Variants in OR4K17 observed in about 807,000 individuals in gnomAD.
The protein encoded by OR4K17 is olfactory receptor 4K17.
For synonymous variants in OR4K17, 157 were observed against 132.8 expected, an observed-to-expected ratio of 1.18 and a Z score of -1.25; for missense variants, 480 against 366.3, an observed-to-expected ratio of 1.31 and a Z score of -2.53.
intron 1 of OR4K17, among the ~76,000 whole-genome samples, chr14:20,115,399 G>A (rs761559120): frequency 7.2e-5 from 11 of 151,862 alleles, no homozygotes; most frequent in Non-Finnish European, 1.5e-4. Flanking sequence ...TTTACAAAAT[G>A]GGTTCATACT....
rs1043072964 is a variant in OR4K17, at chr14:20,119,624, G to A, written c.*1186G>A. On this transcript the variant is annotated 3_prime_UTR_variant, in exon 2 of 2. Transcript: ENST00000641386. ...AGGCAGGTTGCCTTGGCTGACTTGAGGTCAGGAGTTTGAGACCAGCCTGGC... is the reference window on the plus strand; with the variant it reads ...AGGCAGGTTGCCTTGGCTGACTTGAAGTCAGGAGTTTGAGACCAGCCTGGC... 4 of 152,314 alleles carry A rather than the reference G, an allele frequency of 2.6e-5. No homozygotes were observed. Among genetic ancestry groups the A allele is most frequent in the African/African-American group, 9.7e-5 (4 of 41,436 alleles). 9.4% of individuals were successfully genotyped at this position (152,314 alleles called of 1,614,324 possible). A position where few individuals can be genotyped will look rare whatever the true frequency, so the allele number is the denominator to read the frequency against.
Position 20,121,776 on chromosome 14 carries a change from A to G in OR4K17, c.*3338A>G, listed in dbSNP as rs1227215018. 2.0e-5 allele frequency: 3 copies of G among 152,164 alleles called. No individual in the cohort carries two copies. The highest frequency in any genetic ancestry group is 4.4e-5 in the Non-Finnish European group (3 of 67,986). The allele number at this position is 152,164 out of a possible 1,614,324, so 9.4% of individuals were successfully genotyped here. A position where few individuals can be genotyped will look rare whatever the true frequency, so the allele number is the denominator to read the frequency against. Reference sequence around the variant, plus strand: ...AGAAAACAATTAATAAAATGGAGGTACTAAGCACAGTCAGTTTTCTGGCAT... The same window carrying G: ...AGAAAACAATTAATAAAATGGAGGTGCTAAGCACAGTCAGTTTTCTGGCAT... On this transcript the variant is annotated 3_prime_UTR_variant, in exon 2 of 2. Coordinates refer to ENST00000641386, the MANE Select transcript of OR4K17 (RefSeq NM_001004715.5).
chr14:20,118,470 G>C lies in OR4K17; in HGVS notation c.*32G>C. 7.6e-7 allele frequency: 1 copy of C among 1,316,756 alleles called. No individual in the cohort carries two copies. Among genetic ancestry groups the C allele is most frequent in the East Asian group, 2.3e-5 (1 of 42,912 alleles). 81.6% of individuals were successfully genotyped at this position (1,316,756 alleles called of 1,614,324 possible). ...AATATAATGGTAGAGGCCGGGCATG[G>C]TGGCTGATGCCTGTAATCCCCACAC... On this transcript the variant is annotated 3_prime_UTR_variant, in exon 2 of 2. Transcript: ENST00000641386.
intron 1 of OR4K17, among the ~76,000 whole-genome samples, chr14:20,116,900 G>A (rs1040686140): frequency 4.6e-5 from 7 of 152,182 alleles, no homozygotes; most frequent in Admixed American, 3.9e-4. Flanking sequence ...CCCACTGGTG[G>A]AAGATAAGGA....
intron 1 of OR4K17, among the ~76,000 whole-genome samples, chr14:20,114,550 G>A (rs143904697): frequency 3.0e-4 from 45 of 151,868 alleles, no homozygotes; most frequent in East Asian, 1.5e-3. Context: ...TTAAATCTTC[G>A]CCATTCCAGG....
rs762572974 is a variant in OR4K17 at position 20,117,719 on chromosome 14, G to T, written c.220G>T (p.Ala74Ser). 7 of 1,613,832 alleles carry T rather than the reference G, an allele frequency of 4.3e-6. No homozygotes were observed. The Admixed American group carries it at 8.3e-5, about 19-fold the overall frequency. The change falls in exon 2 of 2, where the codon GCT becomes TCT. Residue 74 changes from alanine (A) to serine (S), a missense_variant. Transcript: ENST00000641386. The stretch of plus-strand genomic sequence containing the variant: ...TCTCTCTTTTGTAGATATGACCCTT[G>T]CTTCTTTTGCCACCCCTAAGGTGAT... ...GNLSFVDMTL[A>S]SFATPKVILN...
In OR4K17 at chr14:20,117,633, T is replaced by C. The variant is rs1191494845; in HGVS notation, c.134T>C (p.Ile45Thr). The C allele has an allele frequency of 1.2e-6, 2 of 1,613,904 alleles. No homozygotes were observed. The highest frequency in any genetic ancestry group is 8.5e-7 in the Non-Finnish European group (1 of 1,179,832). The stretch of plus-strand genomic sequence containing the variant: ...GTCACAGTTTTGGGTAACCTTCTTA[T>C]TATAGTCACAGTGTTTAACACCCCT... ...YVVTVLGNLL[I>T]IVTVFNTPNL... The change falls in exon 2 of 2, where the codon ATT (isoleucine) becomes ACT (threonine). Residue 45 changes from isoleucine to threonine, a missense_variant. Physicochemically the swap from Ile to Thr is moderately conservative, Grantham distance 89 (BLOSUM62 -1). Transcript: ENST00000641386.
At position 20,122,038 on chromosome 14, in the gene OR4K17, T is replaced by G. The variant is rs575048675; in HGVS notation, c.*3600T>G. The G allele has an allele frequency of 6.6e-6, 1 of 152,226 alleles. No homozygotes were observed. The highest frequency in any genetic ancestry group is 1.9e-4 in the East Asian group (1 of 5,188). The allele number at this position is 152,226 out of a possible 1,614,324, so 9.4% of individuals were successfully genotyped here. A position where few individuals can be genotyped will look rare whatever the true frequency, so the allele number is the denominator to read the frequency against. Reference sequence around the variant, plus strand: ...TTTGTATAAGGGACTTAAGCATCTATAGATTTTGATAATCACAGGGAGGTC... The same window carrying G: ...TTTGTATAAGGGACTTAAGCATCTAGAGATTTTGATAATCACAGGGAGGTC... On this transcript the variant is annotated 3_prime_UTR_variant, in exon 2 of 2. Coordinates refer to ENST00000641386, the MANE Select transcript of OR4K17 (RefSeq NM_001004715.5).
At position 20,114,623 on chromosome 14, in the gene OR4K17, T is replaced by C. The variant is rs540452560; in HGVS notation, c.-32-2845T>C. Among the ~76,000 whole-genome samples, 5 of 152,218 alleles carry C rather than the reference T, an allele frequency of 3.3e-5. No homozygotes were observed. In the East Asian group the frequency reaches 7.7e-4, roughly 23 times the overall value. On this transcript the variant is annotated intron_variant, in intron 1 of 1. Coordinates refer to ENST00000641386, the MANE Select transcript of OR4K17 (RefSeq NM_001004715.5). The stretch of plus-strand genomic sequence containing the variant: ...TGTTATCAAGCCTGTGTCTTTACCC[T>C]GAAATTTCTTAAAATGAATTTCCCA...
In OR4K17 at chr14:20,118,616, A is replaced by T; in HGVS notation, c.*178A>T. 3 of 485,634 alleles carry T rather than the reference A, an allele frequency of 6.2e-6. No individual in the cohort carries two copies. The highest frequency in any genetic ancestry group is 1.1e-5 in the Non-Finnish European group (3 of 275,224). 30.1% of individuals were successfully genotyped at this position (485,634 alleles called of 1,614,324 possible). A position where few individuals can be genotyped will look rare whatever the true frequency, so the allele number is the denominator to read the frequency against. The stretch of plus-strand genomic sequence containing the variant: ...AAGAATACAAAAGAGAGAAATTTTA[A>T]AGCTGGGTGTCCAGGGGAGACATCA... On this transcript the variant is annotated 3_prime_UTR_variant, in exon 2 of 2. Transcript: ENST00000641386.
At position 20,118,180 on chromosome 14, in the gene OR4K17, C is replaced by G; in HGVS notation, c.681C>G (p.Asn227Lys). 6.2e-7 allele frequency: 1 copy of G among 1,614,106 alleles called. No homozygotes were observed. Among genetic ancestry groups the G allele is most frequent in the South Asian group, 1.1e-5 (1 of 91,082 alleles). Residue 227 changes from asparagine to lysine, a missense_variant, in exon 2 of 2, where the codon AAC (asparagine) becomes AAG (lysine). Asn to Lys is a moderately conservative substitution (Grantham distance 94). Transcript: ENST00000641386. ...SYSLILITIK[N>K]HSPTGQSKAR... ...GTCTGATCCTCATAACCATTAAGAA[C>G]CACTCTCCTACTGGGCAATCTAAAG...
intron 1 of OR4K17, among the ~76,000 whole-genome samples, chr14:20,114,734 G>T (rs1464334452): frequency 6.6e-6 from 1 of 152,036 alleles, no homozygotes; most frequent in Non-Finnish European, 1.5e-5. Flanking sequence ...GACAGAGTGT[G>T]ACTGAATGGT....
intron 1 of OR4K17, among the ~76,000 whole-genome samples, chr14:20,115,425 T>C (rs1159892955): frequency 6.6e-6 from 1 of 152,152 alleles, no homozygotes; most frequent in African/African-American, 2.4e-5. Context: ...TAACTTAAAA[T>C]AATGTAAATA....
rs1396877703 is a variant in OR4K17, at chr14:20,119,473, G to A, written c.*1035G>A. On this transcript the variant is annotated 3_prime_UTR_variant, in exon 2 of 2. Transcript: ENST00000641386. ...GAGATTGTAGTAAAGACAGGCATGA[G>A]AAATTATACAAATATTAATTTGGGG... 1 of 152,186 alleles carries A rather than the reference G, an allele frequency of 6.6e-6. No individual in the cohort carries two copies. The highest frequency in any genetic ancestry group is 1.9e-4 in the East Asian group (1 of 5,194). The allele number at this position is 152,186 out of a possible 1,614,324, so 9.4% of individuals were successfully genotyped here.
Position 20,110,835 on chromosome 14 carries a change from G to C in OR4K17, c.-90G>C, listed in dbSNP as rs1877868034. ...CTATGGAACTATAAGTTGAGAAGGT[G>C]CATGCCCTTCTCGATATTGTCCCCT... On this transcript the variant is annotated 5_prime_UTR_variant, in exon 1 of 2. Coordinates refer to ENST00000641386, the MANE Select transcript of OR4K17 (RefSeq NM_001004715.5). 6.6e-6 allele frequency: 1 copy of C among 151,958 alleles called. No homozygotes were observed. Among genetic ancestry groups the C allele is most frequent in the South Asian group, 2.1e-4 (1 of 4,818 alleles). The allele number at this position is 151,958 out of a possible 1,614,324, so 9.4% of individuals were successfully genotyped here.
chr14:20,112,546 C>A (rs372311989), intron 1 of OR4K17, among the ~76,000 whole-genome samples: 18 of 152,032 alleles, frequency 1.2e-4, no homozygotes, highest in East Asian at 7.7e-4. Context: ...ACCAGGAAAG[C>A]CCCAGTGCTG....
rs1878120538 is a variant in OR4K17 at position 20,119,873 on chromosome 14, A to AT, written c.*1441dup. On this transcript the variant is annotated 3_prime_UTR_variant, in exon 2 of 2. Coordinates refer to ENST00000641386, the MANE Select transcript of OR4K17 (RefSeq NM_001004715.5). ...TAATAATAGTAGCAGAGAAACAATA[A>AT]TTTTTTATATTTTTAAAGGTTTCTC... 6.6e-6 allele frequency: 1 copy of AT among 152,100 alleles called. No homozygotes were observed. The allele number at this position is 152,100 out of a possible 1,614,324, so 9.4% of individuals were successfully genotyped here.
rs547048399 is a variant in OR4K17 at position 20,121,835 on chromosome 14, C to G, written c.*3397C>G. On this transcript the variant is annotated 3_prime_UTR_variant, in exon 2 of 2. Coordinates refer to ENST00000641386, the MANE Select transcript of OR4K17 (RefSeq NM_001004715.5). ...GTTTTACATTCACAGACTCAATCAA[C>G]CACAGATCAAAACTATCAAAAATAA... 6.6e-6 allele frequency: 1 copy of G among 151,996 alleles called. No individual in the cohort carries two copies. Among genetic ancestry groups the G allele is most frequent in the African/African-American group, 2.4e-5 (1 of 41,486 alleles). The allele number at this position is 151,996 out of a possible 1,614,324, so 9.4% of individuals were successfully genotyped here. A position where few individuals can be genotyped will look rare whatever the true frequency, so the allele number is the denominator to read the frequency against.
At chr14:20,116,637 C>T (rs1877999240) in intron 1 of OR4K17, among the ~76,000 whole-genome samples, 1 of 152,086 alleles carries the variant, frequency 6.6e-6, no homozygotes, top group South Asian at 2.1e-4. Flanking sequence ...CATTAGATGT[C>T]ACAAGTAATG....
Sources: allele counts gnomAD v4.1 joint callset (sites outside exome capture counted in the v4.1 genomes callset), GRCh38; gene constraint gnomAD v4.1.1; transcripts MANE v1.5; gene names NCBI Gene and HGNC (gene_info 2026-07-23, HGNC 2026-07-21).